Variants in TEAD1 observed in about 807,000 individuals in gnomAD.
TEAD1 encodes the protein TEA domain transcription factor 1.
A neutral mutation model predicts 54.9 loss-of-function variants in TEAD1; 9 were observed. The observed-to-expected ratio is 0.16, with a 90% CI of 0.10 to 0.29. TEAD1 has a LOEUF of 0.29. Among genes scored for constraint, TEAD1 ranks in the 10% least tolerant of loss-of-function variants. TEAD1 has a pLI of 1.00. For synonymous variants in TEAD1, 200 were observed against 187.8 expected (o/e 1.07, Z -0.53); for missense variants, 387 against 535.9 (o/e 0.72, Z 2.74).
chr11:12,924,611 C>T (rs1037181089), intron 10 of TEAD1, among the ~76,000 whole-genome samples: 1 of 152,058 alleles, frequency 6.6e-6, no homozygotes, highest in African/African-American at 2.4e-5. Context: ...GCTTTCTGTG[C>T]ATATTTCAAA....
At chr11:12,880,897 G>T in intron 6 of TEAD1, 108 bp from the exon 7 acceptor site, 1 of 1,233,912 alleles carries the variant, frequency 8.1e-7, no homozygotes, top group Non-Finnish European at 1.2e-6. Context: ...CGATTCTGTT[G>T]GGTGATCGAA....
intron 2 of TEAD1, among the ~76,000 whole-genome samples, chr11:12,747,117 CT>C (rs1030903715): frequency 1.3e-5 from 2 of 152,100 alleles, no homozygotes; most frequent in Non-Finnish European, 2.9e-5. Flanking sequence ...CTTGTAATTC[CT>C]TAGACAAGGA....
intron 2 of TEAD1, among the ~76,000 whole-genome samples, chr11:12,695,855 G>A (rs1195076298): frequency 6.6e-6 from 1 of 152,208 alleles, no homozygotes; most frequent in African/African-American, 2.4e-5. Flanking sequence ...TACTGTGCCT[G>A]TGTCTCCCCA....
At chr11:12,735,275 TCC>T (rs1206770703) in intron 2 of TEAD1, among the ~76,000 whole-genome samples, 1 of 152,196 alleles carries the variant, frequency 6.6e-6, no homozygotes, top group Non-Finnish European at 1.5e-5. Flanking sequence ...TCCTCTTATG[TCC>T]TCCAGTTCCT....
Position 12,942,491 on chromosome 11 carries a change from A to AT in TEAD1, c.*5272dup, listed in dbSNP as rs924850462. Reference sequence around the variant, plus strand: ...GTGTGTGCTGATGACCTAGTGTGTCATTTCACCTCGTCACCCAGCCCTGCG... The same window carrying AT: ...GTGTGTGCTGATGACCTAGTGTGTCATTTTCACCTCGTCACCCAGCCCTGCG... On this transcript the variant is annotated 3_prime_UTR_variant, in exon 13 of 13. Transcript: ENST00000527636. 1 of 152,070 alleles carries AT rather than the reference A, an allele frequency of 6.6e-6. No homozygotes were observed. Among genetic ancestry groups the AT allele is most frequent in the Non-Finnish European group, 1.5e-5 (1 of 68,018 alleles). 9.4% of individuals were successfully genotyped at this position (152,070 alleles called of 1,614,324 possible).
chr11:12,866,199 A>G (rs1039694685), intron 5 of TEAD1, among the ~76,000 whole-genome samples: 8 of 152,218 alleles, frequency 5.3e-5, no homozygotes, highest in African/African-American at 9.6e-5. Context: ...AATACTCTCT[A>G]TATGGATGTA....
intron 3 of TEAD1, among the ~76,000 whole-genome samples, chr11:12,836,869 A>G (rs1043615704): frequency 2.6e-5 from 4 of 152,190 alleles, no homozygotes; most frequent in African/African-American, 7.2e-5. Flanking sequence ...AACAAGAAAA[A>G]GCGGATCTAT....
intron 2 of TEAD1, among the ~76,000 whole-genome samples, chr11:12,745,834 T>C (rs1292935865): frequency 6.6e-6 from 1 of 152,186 alleles, no homozygotes; most frequent in Non-Finnish European, 1.5e-5. Flanking sequence ...AATCTAAATG[T>C]GCCTGTTAGA....
chr11:12,879,194 C>G (rs1304330174), intron 5 of TEAD1, among the ~76,000 whole-genome samples: 1 of 152,174 alleles, frequency 6.6e-6, no homozygotes, highest in Non-Finnish European at 1.5e-5. Flanking sequence ...TGCAGGGCTT[C>G]CAGGCCTTGC....
intron 3 of TEAD1, among the ~76,000 whole-genome samples, chr11:12,837,068 C>A (rs916070813): frequency 1.3e-5 from 2 of 152,156 alleles, no homozygotes; most frequent in South Asian, 2.1e-4. Context: ...TGTATAAAAG[C>A]AAACAACTTA....
intron 3 of TEAD1, among the ~76,000 whole-genome samples, chr11:12,855,079 G>A (rs943916878): frequency 6.6e-6 from 1 of 152,080 alleles, no homozygotes; most frequent in Non-Finnish European, 1.5e-5. Context: ...ACTCCTCACA[G>A]GTTAGTTAAT....
chr11:12,875,103 C>G (rs925191788), intron 5 of TEAD1, among the ~76,000 whole-genome samples: 1 of 152,210 alleles, frequency 6.6e-6, no homozygotes, highest in African/African-American at 2.4e-5. Context: ...AAACAATGTG[C>G]TCACCTTTGT....
intron 3 of TEAD1, among the ~76,000 whole-genome samples, chr11:12,820,959 A>C (rs1434961161): frequency 6.6e-6 from 1 of 152,212 alleles, no homozygotes; most frequent in Non-Finnish European, 1.5e-5. Context: ...AAAGGGCTTT[A>C]AGGCAAGGGA....
At chr11:12,772,207 T>A (rs191848870) in intron 3 of TEAD1, among the ~76,000 whole-genome samples, 1 of 152,204 alleles carries the variant, frequency 6.6e-6, no homozygotes, top group African/African-American at 2.4e-5. Flanking sequence ...GAGGGAACAT[T>A]ACCATGACCA....
At chr11:12,864,065 T>G (rs1230487015) in intron 4 of TEAD1, among the ~76,000 whole-genome samples, 1 of 94,492 alleles carries the variant, frequency 1.1e-5, no homozygotes, top group Non-Finnish European at 2.4e-5. Context: ...AAGATTTTTA[T>G]AAGGGCAAAA....
At chr11:12,816,681 A>G (rs936749809) in intron 3 of TEAD1, among the ~76,000 whole-genome samples, 7 of 152,156 alleles carry the variant, frequency 4.6e-5, no homozygotes, top group African/African-American at 1.4e-4. Context: ...CAAGACTTCC[A>G]GAGTGAGAGG....
chr11:12,872,021 G>A lies in TEAD1; in HGVS notation c.330+7121G>A, dbSNP rs950392565. Among the ~76,000 whole-genome samples, 11 of 152,256 alleles carry A rather than the reference G, an allele frequency of 7.2e-5. No individual in the cohort carries two copies. In the East Asian group the frequency reaches 2.1e-3, roughly 29 times the overall value. ...GGGCCATTTTCTTGTTCTCGCCCTG[G>A]TGGCCTTTATGATTTGATTTCTGAA... On this transcript the variant is annotated intron_variant, in intron 5 of 12. Coordinates refer to ENST00000527636, the MANE Select transcript of TEAD1 (RefSeq NM_021961.6).
intron 3 of TEAD1, among the ~76,000 whole-genome samples, chr11:12,798,520 C>T (rs925207031): frequency 6.6e-6 from 1 of 152,172 alleles, no homozygotes; most frequent in South Asian, 2.1e-4. Context: ...ACCTCCACAA[C>T]AAGGCACTCC....
At chr11:12,714,003 G>A (rs1220339395) in intron 2 of TEAD1, among the ~76,000 whole-genome samples, 2 of 152,168 alleles carry the variant, frequency 1.3e-5, no homozygotes, top group African/African-American at 4.8e-5. Flanking sequence ...ATGAAATAGG[G>A]CCTAGGGAGT....
Sources: gnomAD v4.1 joint callset for allele counts (sites outside exome capture counted in the v4.1 genomes callset) on GRCh38, gnomAD v4.1.1 for gene constraint, MANE v1.5 for transcripts, NCBI Gene and HGNC (gene_info 2026-07-23, HGNC 2026-07-21) for gene names.